Variants in UGP2 observed in about 807,000 individuals in gnomAD.
The protein encoded by UGP2 is UDP-glucose pyrophosphorylase 2.
UGP2 carries 40 observed loss-of-function variants against 49.0 expected under a neutral mutation model. The ratio of observed to expected loss-of-function variants is 0.82; its 90% confidence interval spans 0.63 to 1.06. UGP2 has a LOEUF of 1.06. UGP2 is among the 50% of genes least tolerant of loss of function. The probability of loss-of-function intolerance (pLI) is 0.00; values close to 1 mark genes in which losing one functional copy is unlikely to be tolerated. For missense variants in UGP2, 460 were observed against 603.5 expected, an observed-to-expected ratio of 0.76 and a Z score of 2.49; for synonymous variants, 225 against 213.0, an observed-to-expected ratio of 1.06 and a Z score of -0.49.
Position 63,882,513 on chromosome 2 carries a change from A to C in UGP2, c.303A>C (p.Ile101=). 6.2e-7 allele frequency: 1 copy of C among 1,610,554 alleles called. No individual in the cohort carries two copies. Among genetic ancestry groups the C allele is most frequent in the Non-Finnish European group, 8.5e-7 (1 of 1,177,458 alleles). ...AGGCCAGGGGCTTGCCTGATAATAT[A>C]TCTTCCGTGTTGAACAAACTAGTGG... is the stretch of plus-strand genomic sequence containing the variant. ...KIKARGLPDN[I]SSVLNKLVVV... is the part of the protein sequence containing the mutation. The change falls in exon 4 of 10, where the codon ATA becomes ATC. Residue 101 remains isoleucine, a synonymous_variant. Transcript: ENST00000337130.
chr2:63,862,657 T>C (rs575875173), intron 3 of UGP2, among the ~76,000 whole-genome samples: 2 of 152,224 alleles, frequency 1.3e-5, no homozygotes, highest in African/African-American at 2.4e-5. Context: ...TGCCTTTGTG[T>C]CCAAAGTAGA....
At chr2:63,853,159 TAAGAA>T (rs1669152767) in intron 1 of UGP2, among the ~76,000 whole-genome samples, 1 of 151,934 alleles carries the variant, frequency 6.6e-6, no homozygotes. Flanking sequence ...GTCAGAGAGG[TAAGAA>T]AAGATATAGG....
chr2:63,843,784 A>T (rs1479305843), intron 1 of UGP2, among the ~76,000 whole-genome samples: 1 of 152,254 alleles, frequency 6.6e-6, no homozygotes, highest in Non-Finnish European at 1.5e-5. Context: ...TAACATAGGT[A>T]CATTACTGTT....
At chr2:63,867,799 T>C (rs1239366988) in intron 3 of UGP2, among the ~76,000 whole-genome samples, 3 of 152,244 alleles carry the variant, frequency 2.0e-5, no homozygotes, top group Non-Finnish European at 4.4e-5. Flanking sequence ...TACATTCTTA[T>C]AATTTTCTTT....
chr2:63,888,368 TATA>T (rs1257432715), intron 8 of UGP2: 4 of 152,232 alleles, frequency 2.6e-5, no homozygotes, highest in African/African-American at 7.2e-5. Context: ...GGCTAATTGA[TATA>T]AACAAGAGTT....
At chr2:63,842,732 AG>A in intron 1 of UGP2, 1 of 820,552 alleles carries the variant, frequency 1.2e-6, no homozygotes, top group Non-Finnish European at 1.7e-6. Flanking sequence ...AGGTCATTTC[AG>A]CTGGAGAAAT....
At chr2:63,864,298 G>C (rs148190374) in intron 3 of UGP2, among the ~76,000 whole-genome samples, 211 of 152,274 alleles carry the variant, frequency 1.4e-3, no homozygotes, top group African/African-American at 4.6e-3. Flanking sequence ...TGATGAACCA[G>C]GTGTAGATAG....
At chr2:63,849,250 A>T (rs149362159) in intron 1 of UGP2, among the ~76,000 whole-genome samples, 77 of 152,292 alleles carry the variant, frequency 5.1e-4, no homozygotes, top group African/African-American at 1.7e-3. Context: ...TAAAAATACT[A>T]TTTTAGGGGA....
At chr2:63,877,821 G>C (rs1296141253) in intron 3 of UGP2, among the ~76,000 whole-genome samples, 1 of 150,616 alleles carries the variant, frequency 6.6e-6, no homozygotes, top group Non-Finnish European at 1.5e-5. Context: ...GTGAAACCCC[G>C]TCTCTACTAA....
chr2:63,858,197 G>A lies in UGP2; in HGVS notation c.255+261G>A, dbSNP rs150871433. Among the ~76,000 whole-genome samples the A allele has an allele frequency of 9.3e-4, 141 of 152,270 alleles. 2 individuals carry two copies. The highest frequency in any genetic ancestry group is 3.2e-3 in the African/African-American group (132 of 41,536). ...TACCCAGTATCCCTGGATATGAAAT[G>A]ACTTTTGCAAAGCACTAAATATCCC... is the stretch of plus-strand genomic sequence containing the variant. On this transcript the variant is annotated intron_variant, in intron 3 of 9. Coordinates refer to ENST00000337130, the MANE Select transcript of UGP2 (RefSeq NM_006759.4).
At chr2:63,847,275 A>G (rs974782216) in intron 1 of UGP2, among the ~76,000 whole-genome samples, 1 of 152,240 alleles carries the variant, frequency 6.6e-6, no homozygotes, top group Admixed American at 6.5e-5. Context: ...TATGTTTCAC[A>G]GAGACCCTTC....
chr2:63,862,425 C>T (rs778814353), intron 3 of UGP2, among the ~76,000 whole-genome samples: 13 of 152,060 alleles, frequency 8.5e-5, no homozygotes, highest in South Asian at 2.1e-4. Flanking sequence ...GAATTTCCCT[C>T]GGGATTACCT....
intron 1 of UGP2, 193 bp downstream of exon 1, chr2:63,842,397 C>T (rs1671621921): frequency 1.9e-6 from 3 of 1,590,856 alleles, no homozygotes; most frequent in African/African-American, 1.3e-5. Flanking sequence ...AATTTATGCT[C>T]CTGTACCCTG....
rs543111931 is a variant in UGP2, at chr2:63,862,658, C to A, written c.255+4722C>A. Among the ~76,000 whole-genome samples the A allele has an allele frequency of 2.0e-5, 3 of 152,098 alleles. No homozygotes were observed. In the South Asian group the frequency reaches 6.2e-4, roughly 32 times the overall value. On this transcript the variant is annotated intron_variant, in intron 3 of 9. Coordinates refer to ENST00000337130, the MANE Select transcript of UGP2 (RefSeq NM_006759.4). ...GGGTCTCTAACTACTGCCTTTGTGTCCAAAGTAGAGGACAGTCCAGTCCCA... is the reference window on the plus strand; with the variant it reads ...GGGTCTCTAACTACTGCCTTTGTGTACAAAGTAGAGGACAGTCCAGTCCCA...
At chr2:63,880,355 G>A (rs1671219535) in intron 3 of UGP2, among the ~76,000 whole-genome samples, 1 of 151,940 alleles carries the variant, frequency 6.6e-6, no homozygotes, top group South Asian at 2.1e-4. Flanking sequence ...TGTATTTTTT[G>A]TAGGGTCGGG....
intron 5 of UGP2, 131 bp downstream of exon 5, chr2:63,884,224 A>G: frequency 2.8e-6 from 3 of 1,078,360 alleles, no homozygotes; most frequent in Non-Finnish European, 3.9e-6. Flanking sequence ...TGATGCCCAT[A>G]AAAGCTGAGC....
At chr2:63,883,843 G>C in intron 4 of UGP2, 117 bp from the exon 5 acceptor site, 3 of 1,282,464 alleles carry the variant, frequency 2.3e-6, no homozygotes, top group Non-Finnish European at 3.2e-6. Context: ...CTGTATATTT[G>C]GCTACGTACA....
chr2:63,885,522 A>G (rs907584316), intron 5 of UGP2, 67 bp from the exon 6 acceptor site: 1 of 1,239,034 alleles, frequency 8.1e-7, no homozygotes, highest in South Asian at 2.1e-5. Flanking sequence ...TTAATGTATT[A>G]TTTTATTTAA....
chr2:63,848,697 G>A (rs1239389419), intron 1 of UGP2, among the ~76,000 whole-genome samples: 6 of 152,182 alleles, frequency 3.9e-5, no homozygotes, highest in Admixed American at 2.6e-4. Context: ...TGCCAGGCAC[G>A]TGTCCTTCTA....
Sources: allele counts gnomAD v4.1 joint callset (sites outside exome capture counted in the v4.1 genomes callset), GRCh38; gene constraint gnomAD v4.1.1; transcripts MANE v1.5; gene names NCBI Gene and HGNC (gene_info 2026-07-23, HGNC 2026-07-21).